MYO3A: variants seen among roughly 807,000 people sequenced by gnomAD.
The protein encoded by MYO3A is myosin-IIIa.
MYO3A carries 180 observed loss-of-function variants against 192.7 expected under a neutral mutation model. The ratio of observed to expected loss-of-function variants is 0.93; its 90% confidence interval spans 0.83 to 1.06. MYO3A has a LOEUF of 1.06. Ranked by LOEUF, MYO3A falls within the 50% of genes least tolerant of loss-of-function variation. MYO3A has a pLI of 0.00. For synonymous variants in MYO3A, 628 were observed against 645.3 expected (o/e 0.97, Z 0.41); for missense variants, 1,896 against 1,905.0 (o/e 1.00, Z 0.09).
At chr10:25,941,669 G>A (rs990779505) in intron 2 of MYO3A, among the ~76,000 whole-genome samples, 1 of 152,142 alleles carries the variant, frequency 6.6e-6, no homozygotes, top group Admixed American at 6.6e-5. Context: ...GTGGTATTAA[G>A]TACAGTCACA....
At chr10:26,182,603 T>C (rs1160214800) in intron 31 of MYO3A, among the ~76,000 whole-genome samples, 2 of 152,238 alleles carry the variant, frequency 1.3e-5, no homozygotes, top group South Asian at 2.1e-4. Flanking sequence ...TTTTTTAAGT[T>C]TGGCTCTCTG....
intron 10 of MYO3A, among the ~76,000 whole-genome samples, chr10:26,063,763 C>T (rs560487313): frequency 2.8e-4 from 43 of 152,124 alleles, no homozygotes; most frequent in Non-Finnish European, 4.9e-4. Flanking sequence ...ACAACAAGAA[C>T]AAAATGACAG....
chr10:26,060,830 T>C (rs1469797188), intron 10 of MYO3A, among the ~76,000 whole-genome samples: 1 of 152,224 alleles, frequency 6.6e-6, no homozygotes, highest in African/African-American at 2.4e-5. Context: ...TTAAAGCTAT[T>C]TTCTATCCAA....
intron 6 of MYO3A, among the ~76,000 whole-genome samples, chr10:26,008,766 T>G (rs1269031156): frequency 6.6e-6 from 1 of 151,796 alleles, no homozygotes; most frequent in Non-Finnish European, 1.5e-5. Context: ...AGGAACACTT[T>G]CACACTGTTG....
At chr10:25,937,761 G>C (rs1023882094) in intron 2 of MYO3A, among the ~76,000 whole-genome samples, 2 of 152,150 alleles carry the variant, frequency 1.3e-5, no homozygotes, top group Non-Finnish European at 2.9e-5. Flanking sequence ...AAATACAAAA[G>C]TATTTAAGTA....
rs971593578 is a variant in MYO3A, at chr10:25,954,790, C to G, written c.169-84C>G. On this transcript the variant is annotated intron_variant, in intron 3 of 34. Transcript: ENST00000642920. ...ATTATGACCTTGACATAATGAAATT[C>G]TGTATTTGGTATTCTATAATCTGTT... is the stretch of plus-strand genomic sequence containing the variant. The G allele has an allele frequency of 4.3e-6, 6 of 1,387,780 alleles. No individual in the cohort carries two copies. In the South Asian group the frequency reaches 7.1e-5, roughly 16 times the overall value. 86.0% of individuals were successfully genotyped at this position (1,387,780 alleles called of 1,614,324 possible). A position where few individuals can be genotyped will look rare whatever the true frequency, so the allele number is the denominator to read the frequency against.
At chr10:26,203,870 G>T (rs1010209482) in intron 34 of MYO3A, among the ~76,000 whole-genome samples, 8 of 152,196 alleles carry the variant, frequency 5.3e-5, no homozygotes, top group African/African-American at 1.9e-4. Context: ...CATGGTCTTA[G>T]GTTTGGATCC....
chr10:26,178,445 T>G (rs930714193), intron 31 of MYO3A, among the ~76,000 whole-genome samples: 2 of 151,572 alleles, frequency 1.3e-5, no homozygotes, highest in African/African-American at 4.8e-5. Flanking sequence ...CCAGCTACTC[T>G]GGAGGCTGAG....
At chr10:26,119,609 G>A (rs1438097425) in intron 17 of MYO3A, among the ~76,000 whole-genome samples, 1 of 152,170 alleles carries the variant, frequency 6.6e-6, no homozygotes, top group African/African-American at 2.4e-5. Context: ...TTTGTTAAGT[G>A]TAGGAGCTGG....
intron 20 of MYO3A, among the ~76,000 whole-genome samples, chr10:26,130,845 GCTAA>G (rs1404366496): frequency 6.6e-6 from 1 of 152,144 alleles, no homozygotes; most frequent in Non-Finnish European, 1.5e-5. Context: ...ACTGAGAAAA[GCTAA>G]CTAATTGTAT....
intron 14 of MYO3A, among the ~76,000 whole-genome samples, chr10:26,071,177 A>G (rs1296659586): frequency 6.6e-6 from 1 of 152,180 alleles, no homozygotes; most frequent in Non-Finnish European, 1.5e-5. Context: ...TAGTCAAGAC[A>G]GTGTGTCATT....
chr10:26,136,525 A>G (rs1431650370), intron 20 of MYO3A, among the ~76,000 whole-genome samples: 2 of 152,220 alleles, frequency 1.3e-5, no homozygotes, highest in Non-Finnish European at 2.9e-5. Flanking sequence ...AATCTTTTTA[A>G]AACTTTGGGC....
intron 4 of MYO3A, among the ~76,000 whole-genome samples, chr10:25,994,772 T>C (rs1462945707): frequency 1.3e-5 from 2 of 152,246 alleles, no homozygotes; most frequent in Non-Finnish European, 2.9e-5. Flanking sequence ...CTTATGAAGC[T>C]TAATTTGGCT....
rs1471089204 is a variant in MYO3A at position 26,016,873 on chromosome 10, A to T, written c.562A>T (p.Thr188Ser). 3 of 1,614,092 alleles carry T rather than the reference A, an allele frequency of 1.9e-6. No individual in the cohort carries two copies. The African/African-American group carries it at 4.0e-5, about 22-fold the overall frequency. ...GCACCGTCGGAACACATCCGTAGGA[A>T]CACCGTTTTGGATGGCTCCTGAGGT... Reference protein sequence around the residue: ...TRHRRNTSVGTPFWMAPEVIA... With the variant: ...TRHRRNTSVGSPFWMAPEVIA... Residue 188 changes from threonine (T) to serine (S), a missense_variant, in exon 7 of 35, where the codon ACA (threonine) becomes TCA (serine). Transcript: ENST00000642920.
intron 10 of MYO3A, among the ~76,000 whole-genome samples, chr10:26,059,247 A>G (rs1834316683): frequency 6.6e-6 from 1 of 152,140 alleles, no homozygotes; most frequent in Non-Finnish European, 1.5e-5. Flanking sequence ...TAGAGAGAGA[A>G]CATCCTTGCT....
chr10:25,950,692 A>G (rs1301876095), intron 2 of MYO3A, among the ~76,000 whole-genome samples: 1 of 152,206 alleles, frequency 6.6e-6, no homozygotes, highest in Non-Finnish European at 1.5e-5. Context: ...TACAAGGCTT[A>G]GAGTCTATCC....
intron 14 of MYO3A, among the ~76,000 whole-genome samples, chr10:26,080,873 G>C (rs1313478974): frequency 6.6e-6 from 1 of 152,218 alleles, no homozygotes; most frequent in Non-Finnish European, 1.5e-5. Flanking sequence ...CTGCTGCTGG[G>C]GGTTGTCCAC....
chr10:26,117,846 G>A (rs1838610043), intron 17 of MYO3A, among the ~76,000 whole-genome samples: 1 of 152,064 alleles, frequency 6.6e-6, no homozygotes, highest in African/African-American at 2.4e-5. Flanking sequence ...ATATTCTTTT[G>A]GGTATATACC....
intron 32 of MYO3A, among the ~76,000 whole-genome samples, chr10:26,197,141 T>C (rs180862677): frequency 6.6e-6 from 1 of 152,318 alleles, no homozygotes; most frequent in East Asian, 1.9e-4. Context: ...TCAGGTGCCG[T>C]AGCCCAGGAG....
Sources: gnomAD v4.1 joint callset for allele counts (sites outside exome capture counted in the v4.1 genomes callset) on GRCh38, gnomAD v4.1.1 for gene constraint, MANE v1.5 for transcripts, NCBI Gene and HGNC (gene_info 2026-07-23, HGNC 2026-07-21) for gene names.